Variants in SLC60A1 observed in about 807,000 individuals in gnomAD.
SLC60A1 encodes solute carrier family 60 member 1.
the SLC60A1 span, chr1:205,600,848 C>T: frequency 6.9e-5 from 12 of 174,916 alleles, no homozygotes; most frequent in Non-Finnish European, 1.2e-4. Context: ...ATGATCATTG[C>T]TATATGTAGA....
the SLC60A1 span, among the ~76,000 whole-genome samples, chr1:205,592,527 TC>T: frequency 6.6e-6 from 1 of 151,732 alleles, no homozygotes; most frequent in Non-Finnish European, 1.5e-5. Context: ...ATGCTATCCC[TC>T]CCCCCTCTCC....
the SLC60A1 span, chr1:205,579,861 T>C: frequency 6.2e-7 from 1 of 1,614,118 alleles, no homozygotes; most frequent in African/African-American, 1.3e-5. Context: ...GTCATGGCGC[T>C]GGCGGGCTTG....
At chr1:205,579,658 T>C in the SLC60A1 span, 1 of 1,395,486 alleles carries the variant, frequency 7.2e-7, no homozygotes, top group Admixed American at 1.7e-5. Context: ...GGGGGAGAAA[T>C]GTCTTGGCTG....
chr1:205,579,208 C>A, the SLC60A1 span, among the ~76,000 whole-genome samples: 1 of 152,184 alleles, frequency 6.6e-6, no homozygotes, highest in Non-Finnish European at 1.5e-5. Flanking sequence ...GGGTTGTGGG[C>A]GCTGGTGTGG....
chr1:205,586,327 A>C, the SLC60A1 span: 1 of 1,215,918 alleles, frequency 8.2e-7, no homozygotes, highest in Non-Finnish European at 1.2e-6. Flanking sequence ...GGAACTCAGG[A>C]GTAGAGGGAA....
chr1:205,590,913 C>G, the SLC60A1 span, among the ~76,000 whole-genome samples: 1 of 152,102 alleles, frequency 6.6e-6, no homozygotes, highest in Non-Finnish European at 1.5e-5. Context: ...TATTTCACCA[C>G]CACTCTTTAG....
At chr1:205,582,167 A>G in the SLC60A1 span, among the ~76,000 whole-genome samples, 1 of 152,124 alleles carries the variant, frequency 6.6e-6, no homozygotes, top group African/African-American at 2.4e-5. Flanking sequence ...CGTTCCTTCC[A>G]GGAGAGACCT....
chr1:205,583,852 C>A, the SLC60A1 span: 1 of 1,390,856 alleles, frequency 7.2e-7, no homozygotes, highest in Non-Finnish European at 9.6e-7. Flanking sequence ...TAGAAAAGAG[C>A]TGTCTTCTCC....
chr1:205,585,802 A>G, the SLC60A1 span, among the ~76,000 whole-genome samples: 1 of 151,924 alleles, frequency 6.6e-6, no homozygotes, highest in Non-Finnish European at 1.5e-5. This position sits in a 1 kb window ranked among gnomAD's most constrained non-coding sequence, Gnocchi z 4.2. Flanking sequence ...TGGAACCCCT[A>G]GGTCTCCACA....
chr1:205,598,990 C>T, the SLC60A1 span: 1 of 1,126,090 alleles, frequency 8.9e-7, no homozygotes, highest in South Asian at 1.5e-5. Context: ...GGCCTCCCTC[C>T]TCCCCGTGAT....
chr1:205,592,876 CAGG>C, the SLC60A1 span, among the ~76,000 whole-genome samples: 3 of 152,204 alleles, frequency 2.0e-5, no homozygotes, highest in Non-Finnish European at 2.9e-5. Flanking sequence ...CAAAGATGCA[CAGG>C]AGAAGTTATG....
the SLC60A1 span, among the ~76,000 whole-genome samples, chr1:205,593,554 T>C: frequency 6.6e-6 from 1 of 151,936 alleles, no homozygotes; most frequent in African/African-American, 2.4e-5. Context: ...ACCCAGCAGT[T>C]ATCCACAGCC....
chr1:205,592,314 C>A, the SLC60A1 span: 25 of 1,594,900 alleles, frequency 1.6e-5, no homozygotes, highest in Non-Finnish European at 2.0e-5. Context: ...AGCCAGGAGG[C>A]GCGCTCTATC....
chr1:205,592,317 G>T, the SLC60A1 span: 1 of 1,591,634 alleles, frequency 6.3e-7, no homozygotes, highest in East Asian at 2.3e-5. Flanking sequence ...CAGGAGGCGC[G>T]CTCTATCTAG....
the SLC60A1 span, chr1:205,584,016 C>T: frequency 3.1e-6 from 5 of 1,614,004 alleles, no homozygotes; most frequent in South Asian, 5.5e-5. Flanking sequence ...ACCTGCTGTC[C>T]CCAGAGGAGG....
the SLC60A1 span, among the ~76,000 whole-genome samples, chr1:205,583,783 C>G: frequency 6.6e-6 from 1 of 152,238 alleles, no homozygotes; most frequent in African/African-American, 2.4e-5. Context: ...CCACTCCTAC[C>G]TTGGTCAAGG....
chr1:205,589,965 G>A, the SLC60A1 span, among the ~76,000 whole-genome samples: 2 of 152,216 alleles, frequency 1.3e-5, no homozygotes, highest in African/African-American at 4.8e-5. Flanking sequence ...TGGGAGGTAA[G>A]GAAAGGAGGA....
the SLC60A1 span, chr1:205,602,809 A>C: frequency 1.3e-5 from 2 of 152,254 alleles, no homozygotes; most frequent in East Asian, 1.9e-4. Flanking sequence ...AGATTTAGAA[A>C]GAAGAATCAA....
chr1:205,573,053 A>T, the SLC60A1 span, among the ~76,000 whole-genome samples: 1 of 152,174 alleles, frequency 6.6e-6, no homozygotes, highest in Admixed American at 6.5e-5. Context: ...GCTTGAGCCC[A>T]GGAGTTCAAA....
Sources: allele counts gnomAD v4.1 joint callset (sites outside exome capture counted in the v4.1 genomes callset), GRCh38; gene constraint gnomAD v4.1.1; non-coding constraint Gnocchi (gnomAD v3.1); transcripts MANE v1.5; gene names NCBI Gene and HGNC (gene_info 2026-07-23, HGNC 2026-07-21).